Variants in CNOT2 observed in about 807,000 individuals in gnomAD.
CNOT2 encodes the protein CC chemokine receptor 4-negative regulator of transcription 2.
Under a neutral mutation model 72.1 loss-of-function variants are expected in CNOT2, and 7 were observed. The observed-to-expected ratio is 0.10, with a 90% CI of 0.06 to 0.18. The LOEUF (loss-of-function observed/expected upper bound fraction) is 0.18, where lower values mean the gene tolerates loss of function less well. Among genes scored for constraint, CNOT2 ranks in the 10% least tolerant of loss-of-function variants. The probability of loss-of-function intolerance (pLI) is 1.00; values close to 1 mark genes in which losing one functional copy is unlikely to be tolerated. For missense variants in CNOT2, 345 were observed against 660.3 expected (o/e 0.52, Z 5.23); for synonymous variants, 196 against 225.6 (o/e 0.87, Z 1.17).
chr12:70,244,220 C>G (rs939767166), intron 1 of CNOT2: 2 of 152,156 alleles, frequency 1.3e-5, no homozygotes, highest in African/African-American at 4.8e-5. Context: ...TAGACTGAGT[C>G]CGGATGATCC....
At chr12:70,276,349 G>T (rs916786497) in intron 1 of CNOT2, among the ~76,000 whole-genome samples, 1 of 151,806 alleles carries the variant, frequency 6.6e-6, no homozygotes, top group Non-Finnish European at 1.5e-5. Context: ...GAGGTAATTC[G>T]TAGACCCTAA....
intron 2 of CNOT2, chr12:70,294,286 G>T: frequency 7.8e-7 from 1 of 1,289,484 alleles, no homozygotes. Flanking sequence ...GTTGAAAGAA[G>T]TTGCACAGGT....
At chr12:70,258,773 G>A (rs1958583799) in intron 1 of CNOT2, among the ~76,000 whole-genome samples, 1 of 152,196 alleles carries the variant, frequency 6.6e-6, no homozygotes, top group East Asian at 1.9e-4. Flanking sequence ...TCCCCTCAAG[G>A]CGTGAGCCTG....
chr12:70,251,023 C>T (rs1958119074), intron 1 of CNOT2, among the ~76,000 whole-genome samples: 2 of 152,076 alleles, frequency 1.3e-5, no homozygotes, highest in Non-Finnish European at 2.9e-5. Context: ...GGTGGTCTGT[C>T]TGGAGTACTG....
At chr12:70,271,172 GAT>G (rs1191706618) in intron 1 of CNOT2, among the ~76,000 whole-genome samples, 1 of 152,104 alleles carries the variant, frequency 6.6e-6, no homozygotes, top group East Asian at 1.9e-4. Flanking sequence ...TTACAAGATG[GAT>G]ATAGTAGCTC....
chr12:70,248,137 G>A (rs2135689387), intron 1 of CNOT2, among the ~76,000 whole-genome samples: 1 of 152,210 alleles, frequency 6.6e-6, no homozygotes. Context: ...TTTTGTATTT[G>A]TCTTTACAAG....
At position 70,353,931 on chromosome 12, in the gene CNOT2, A is replaced by AAC; in HGVS notation, c.*17_*18insCA. 7 of 1,580,438 alleles carry AAC rather than the reference A, an allele frequency of 4.4e-6. No homozygotes were observed. The highest frequency in any genetic ancestry group is 6.0e-6 in the Non-Finnish European group (7 of 1,170,514). On this transcript the variant is annotated 3_prime_UTR_variant, in exon 16 of 16. Coordinates refer to ENST00000229195, the MANE Select transcript of CNOT2 (RefSeq NM_014515.7). ...AGCCTTCTAAAAAAAAAAAAAAAAAAAAAAAAAGACTTCCCTTTTCTTGGG... is the reference window on the plus strand; with the variant it reads ...AGCCTTCTAAAAAAAAAAAAAAAAAAACAAAAAAAGACTTCCCTTTTCTTGGG...
intron 2 of CNOT2, among the ~76,000 whole-genome samples, chr12:70,282,233 T>C (rs191871949): frequency 1.3e-5 from 2 of 152,290 alleles, no homozygotes; most frequent in Admixed American, 6.5e-5. Flanking sequence ...AGATGTTACT[T>C]TGAATGGAAC....
intron 2 of CNOT2, among the ~76,000 whole-genome samples, chr12:70,298,186 T>C (rs1873160611): frequency 1.3e-5 from 2 of 152,246 alleles, no homozygotes; most frequent in South Asian, 4.1e-4. Context: ...AATCAGTCCA[T>C]TCTTGTTCTT....
chr12:70,349,370 C>T (rs1198885897), intron 15 of CNOT2, among the ~76,000 whole-genome samples: 2 of 152,044 alleles, frequency 1.3e-5, no homozygotes, highest in East Asian at 1.9e-4. Context: ...AGTTAAAGAA[C>T]GTATATTAAA....
chr12:70,294,178 GC>G (rs1872448407), intron 2 of CNOT2: 1 of 1,289,178 alleles, frequency 7.8e-7, no homozygotes, highest in Non-Finnish European at 1.0e-6. Flanking sequence ...TCTCAGGGGA[GC>G]TCCTAGGGTG....
intron 2 of CNOT2, chr12:70,294,154 A>T: frequency 7.8e-7 from 1 of 1,288,914 alleles, no homozygotes; most frequent in Non-Finnish European, 1.0e-6. Flanking sequence ...TATGGCGTCA[A>T]CCCTGCTGTA....
At position 70,298,552 on chromosome 12, in the gene CNOT2, A is replaced by G. The variant is rs188852855; in HGVS notation, c.49-12343A>G. 1.3e-4 allele frequency among the ~76,000 whole-genome samples: 20 copies of G among 152,372 alleles called. No homozygotes were observed. The East Asian group carries it at 3.5e-3, about 26-fold the overall frequency. ...TTTCTAGCGTTATCTTGATAATTAC[A>G]TAAATAAATTTTAAAGCATTTAGAA... On this transcript the variant is annotated intron_variant, in intron 2 of 15. Transcript: ENST00000229195.
chr12:70,265,323 C>CTCTTCTCG (rs762070879), intron 1 of CNOT2, among the ~76,000 whole-genome samples: 1 of 145,104 alleles, frequency 6.9e-6, no homozygotes, highest in Admixed American at 7.0e-5. Flanking sequence ...CTCTTCTCTT[C>CTCTTCTCG]TCTTTCTTTC....
At chr12:70,296,546 C>T (rs982339026) in intron 2 of CNOT2, among the ~76,000 whole-genome samples, 3 of 151,936 alleles carry the variant, frequency 2.0e-5, no homozygotes, top group African/African-American at 7.2e-5. Flanking sequence ...TTCTTAGATC[C>T]ATCCTAAGCA....
At chr12:70,251,348 G>T (rs183090046) in intron 1 of CNOT2, among the ~76,000 whole-genome samples, 31 of 152,110 alleles carry the variant, frequency 2.0e-4, no homozygotes, top group Non-Finnish European at 3.7e-4. Context: ...TTAACTAGGT[G>T]GGGGAGGGTA....
At chr12:70,344,398 T>C in intron 14 of CNOT2, 170 bp downstream of exon 14, 1 of 555,716 alleles carries the variant, frequency 1.8e-6, no homozygotes, top group Non-Finnish European at 3.2e-6. Context: ...ATCTTAACCA[T>C]GGCTTCATAA....
At chr12:70,269,243 A>G (rs1204241740) in intron 1 of CNOT2, among the ~76,000 whole-genome samples, 1 of 151,492 alleles carries the variant, frequency 6.6e-6, no homozygotes, top group African/African-American at 2.4e-5. Context: ...TATCTCTGAA[A>G]CAAGGTGTTT....
chr12:70,255,575 G>A (rs979493116), intron 1 of CNOT2, among the ~76,000 whole-genome samples: 3 of 152,028 alleles, frequency 2.0e-5, no homozygotes, highest in African/African-American at 4.8e-5. Context: ...AATGACTGTC[G>A]TGCATTGTAG....
Sources: gnomAD v4.1 joint callset for allele counts (sites outside exome capture counted in the v4.1 genomes callset) on GRCh38, gnomAD v4.1.1 for gene constraint, MANE v1.5 for transcripts, NCBI Gene and HGNC (gene_info 2026-07-23, HGNC 2026-07-21) for gene names.